The following ANKRD55 variants were observed in gnomAD, a reference collection of about 807,000 sequenced individuals.
ANKRD55 encodes ankyrin repeat domain 55.
A neutral mutation model predicts 60.6 loss-of-function variants in ANKRD55; 41 were observed. The observed-to-expected ratio is 0.68, with a 90% confidence interval of 0.53 to 0.88. The LOEUF (loss-of-function observed/expected upper bound fraction) is 0.88. Among genes scored for constraint, ANKRD55 ranks in the 40% least tolerant of loss-of-function variants. The pLI, the probability that ANKRD55 is intolerant of heterozygous loss-of-function variation, is 0.00. For missense variants in ANKRD55, 732 were observed against 767.6 expected (o/e 0.95, Z 0.55); for synonymous variants, 264 against 290.3 (o/e 0.91, Z 0.92).
chr5:56,188,778 T>C (rs951042713), intron 2 of ANKRD55, among the ~76,000 whole-genome samples: 5 of 152,244 alleles, frequency 3.3e-5, no homozygotes, highest in Admixed American at 6.5e-5. Flanking sequence ...TCAATTTACA[T>C]AGATTTTGTG....
chr5:56,199,322 T>C (rs1581016574), intron 2 of ANKRD55, among the ~76,000 whole-genome samples: 1 of 152,202 alleles, frequency 6.6e-6, no homozygotes, highest in South Asian at 2.1e-4. Flanking sequence ...ATAACCTACA[T>C]GAAGTATTTT....
intron 3 of ANKRD55, among the ~76,000 whole-genome samples, chr5:56,179,057 GA>G (rs1355930448): frequency 6.6e-6 from 1 of 151,918 alleles, no homozygotes; most frequent in Non-Finnish European, 1.5e-5. Flanking sequence ...ATTTCATAAC[GA>G]AAATTTCACA....
intron 5 of ANKRD55, among the ~76,000 whole-genome samples, chr5:56,168,340 G>A (rs1301211925): frequency 2.6e-5 from 4 of 152,094 alleles, no homozygotes; most frequent in African/African-American, 7.2e-5. Context: ...TAAATTGTGC[G>A]GCATTCTGAG....
chr5:56,173,582 C>CTCTCTATATATATATA (rs1484157730), intron 4 of ANKRD55, among the ~76,000 whole-genome samples: 1 of 45,244 alleles, frequency 2.2e-5, no homozygotes, highest in African/African-American at 8.7e-5. Context: ...CTCTCTCTCT[C>CTCTCTATATATATATA]TATATATATA....
At chr5:56,192,706 TA>T in intron 2 of ANKRD55, 1 of 1,375,248 alleles carries the variant, frequency 7.3e-7, no homozygotes, top group Middle Eastern at 1.9e-4. Context: ...ATTCAGATGA[TA>T]ATGGACAGAA....
intron 5 of ANKRD55, among the ~76,000 whole-genome samples, chr5:56,165,482 C>A (rs551944809): frequency 3.9e-5 from 6 of 152,144 alleles, no homozygotes; most frequent in Non-Finnish European, 8.8e-5. Flanking sequence ...TCATTGATGA[C>A]CATCAACATT....
chr5:56,126,683 A>G (rs891750722), intron 8 of ANKRD55, among the ~76,000 whole-genome samples: 1 of 152,194 alleles, frequency 6.6e-6, no homozygotes, highest in Non-Finnish European at 1.5e-5. Flanking sequence ...GAACACAGAG[A>G]ACATTTAGCA....
chr5:56,116,476 A>T, intron 9 of ANKRD55, 139 bp downstream of exon 9: 2 of 699,680 alleles, frequency 2.9e-6, no homozygotes, highest in Non-Finnish European at 4.0e-6. Context: ...TAATGTCTTT[A>T]ATACTATGTA....
At chr5:56,121,661 A>G (rs561538224) in intron 8 of ANKRD55, among the ~76,000 whole-genome samples, 16 of 151,584 alleles carry the variant, frequency 1.1e-4, no homozygotes, top group East Asian at 1.9e-4. Flanking sequence ...GTGAGCCACC[A>G]CACCCGGCCA....
chr5:56,123,292 C>T (rs536376676), intron 8 of ANKRD55, among the ~76,000 whole-genome samples: 37 of 152,114 alleles, frequency 2.4e-4, no homozygotes, highest in East Asian at 5.8e-4. Flanking sequence ...TATCTGTGAA[C>T]GGGGTTGGAC....
intron 2 of ANKRD55, among the ~76,000 whole-genome samples, chr5:56,191,657 C>A (rs1416901102): frequency 6.6e-6 from 1 of 152,132 alleles, no homozygotes; most frequent in Admixed American, 6.6e-5. Context: ...CTGAAGATGA[C>A]CTCTCTTGGC....
intron 8 of ANKRD55, among the ~76,000 whole-genome samples, chr5:56,118,013 T>C (rs1756929240): frequency 6.6e-6 from 1 of 152,006 alleles, no homozygotes; most frequent in African/African-American, 2.4e-5. Context: ...CATGGTGGCA[T>C]GTGCCTGTAG....
intron 2 of ANKRD55, among the ~76,000 whole-genome samples, chr5:56,222,756 A>G (rs1760000810): frequency 6.6e-6 from 1 of 152,262 alleles, no homozygotes; most frequent in South Asian, 2.1e-4. Context: ...GGTATCAGTG[A>G]TTGAAGATCA....
At chr5:56,188,370 A>AC in intron 2 of ANKRD55, among the ~76,000 whole-genome samples, 1 of 67,274 alleles carries the variant, frequency 1.5e-5, no homozygotes. Context: ...CCCTACAACC[A>AC]AAAAAAAAGA....
intron 4 of ANKRD55, among the ~76,000 whole-genome samples, 171 bp downstream of exon 4, chr5:56,175,981 C>A (rs1490598841): frequency 6.6e-6 from 1 of 152,102 alleles, no homozygotes; most frequent in East Asian, 1.9e-4. Flanking sequence ...ATTCATGAAA[C>A]CAACTCTAAG....
Position 56,162,061 on chromosome 5 carries a change from C to A in ANKRD55, c.423-2168G>T, listed in dbSNP as rs968793261. On this transcript the variant is annotated intron_variant, in intron 5 of 11. Coordinates refer to ENST00000341048, the MANE Select transcript of ANKRD55 (RefSeq NM_024669.3). ...TTGGCCATTGTTTACTCTCTAGGGC[C>A]CATTTGGTCTGAGGGACTGGGGGAG... 34 of 985,060 alleles carry A rather than the reference C, an allele frequency of 3.5e-5. No individual in the cohort carries two copies. The African/African-American group carries it at 5.1e-4, about 15-fold the overall frequency. 61.0% of individuals were successfully genotyped at this position (985,060 alleles called of 1,614,324 possible).
chr5:56,168,857 T>A (rs2399692), intron 5 of ANKRD55, among the ~76,000 whole-genome samples: 1 of 152,078 alleles, frequency 6.6e-6, no homozygotes, highest in East Asian at 1.9e-4. Context: ...ACATGTCTGA[T>A]AAACTTTTTG....
At chr5:56,117,777 C>T (rs1756923401) in intron 8 of ANKRD55, among the ~76,000 whole-genome samples, 1 of 152,080 alleles carries the variant, frequency 6.6e-6, no homozygotes, top group Admixed American at 6.6e-5. Context: ...AGTGATTTTT[C>T]TATAAAACTT....
chr5:56,217,939 T>G (rs1314549316), intron 2 of ANKRD55, among the ~76,000 whole-genome samples: 1 of 152,014 alleles, frequency 6.6e-6, no homozygotes, highest in African/African-American at 2.4e-5. Context: ...TGGAAGAAGT[T>G]AATTTCAACT....
Sources: gnomAD v4.1 joint callset for allele counts (sites outside exome capture counted in the v4.1 genomes callset) on GRCh38, gnomAD v4.1.1 for gene constraint, MANE v1.5 for transcripts, NCBI Gene and HGNC (gene_info 2026-07-23, HGNC 2026-07-21) for gene names.